The following AKAP1 variants were observed in gnomAD, a reference collection of about 807,000 sequenced individuals.
AKAP1 encodes A-kinase anchor protein 1, mitochondrial.
Under a neutral mutation model 79.8 loss-of-function variants are expected in AKAP1, and 32 were observed. The ratio of observed to expected loss-of-function variants is 0.40; its 90% CI spans 0.30 to 0.54. The LOEUF (loss-of-function observed/expected upper bound fraction) is 0.54. Among genes scored for constraint, AKAP1 ranks in the 20% least tolerant of loss-of-function variants. The pLI is 0.47. For missense variants in AKAP1, 961 were observed against 1,138.9 expected, an observed-to-expected ratio of 0.84 and a Z score of 2.25; for synonymous variants, 416 against 466.7, an observed-to-expected ratio of 0.89 and a Z score of 1.40.
chr17:57,095,381 C>G (rs539019921), intron 1 of AKAP1: 1 of 151,092 alleles, frequency 6.6e-6, no homozygotes, highest in African/African-American at 2.4e-5. Flanking sequence ...ATTGCCCAGG[C>G]TGGTCTTGAG....
chr17:57,104,109 G>C (rs975963519), intron 1 of AKAP1, among the ~76,000 whole-genome samples: 6 of 152,072 alleles, frequency 3.9e-5, no homozygotes, highest in African/African-American at 1.4e-4. Flanking sequence ...ACAGGCGCCT[G>C]CCACCATGCC....
intron 1 of AKAP1, chr17:57,101,644 A>C (rs1392641537): frequency 6.6e-6 from 1 of 152,192 alleles, no homozygotes; most frequent in Non-Finnish European, 1.5e-5. Context: ...AGATGATGCT[A>C]ATGTGAAGCC....
intron 10 of AKAP1, among the ~76,000 whole-genome samples, chr17:57,119,917 C>T (rs145315243): frequency 0.012 from 1,671 of 136,512 alleles, 30 homozygotes; most frequent in African/African-American, 0.043. Flanking sequence ...CTGTAACCTC[C>T]GCCTCCGGGG....
In AKAP1 at chr17:57,120,330, A is replaced by G. The variant is rs201780935; in HGVS notation, c.*6A>G. 9,364 of 1,611,254 alleles carry G rather than the reference A, an allele frequency of 5.8e-3. 59 individuals carry two copies. The highest frequency in any genetic ancestry group is 7.0e-3 in the Non-Finnish European group (8,293 of 1,179,194). ...GCTACTACACAAGCCTTTGACCCCC[A>G]TGCTGCTTCCTGAGAGTCTTTTTTT... is the stretch of plus-strand genomic sequence containing the variant. On this transcript the variant is annotated 3_prime_UTR_variant, in exon 11 of 11. Transcript: ENST00000337714.
At chr17:57,097,600 A>G (rs1019927209) in intron 1 of AKAP1, among the ~76,000 whole-genome samples, 1 of 152,164 alleles carries the variant, frequency 6.6e-6, no homozygotes, top group Admixed American at 6.5e-5. Flanking sequence ...GCTGGGCTTT[A>G]GGTTCTGATT....
intron 1 of AKAP1, among the ~76,000 whole-genome samples, chr17:57,088,336 T>C (rs1913584766): frequency 6.6e-6 from 1 of 152,198 alleles, no homozygotes; most frequent in Non-Finnish European, 1.5e-5. Flanking sequence ...GTGAGCATGT[T>C]TGAAGTAGGA....
In AKAP1 at chr17:57,120,459, T is replaced by G; in HGVS notation, c.*135T>G. On this transcript the variant is annotated 3_prime_UTR_variant, in exon 11 of 11. Coordinates refer to ENST00000337714, the MANE Select transcript of AKAP1 (RefSeq NM_003488.4). ...TTTCTTTCTCCATACTGTAGTCCTA[T>G]TGAGAAGACATTTCGTCTCTGAGAA... 2.9e-6 allele frequency: 2 copies of G among 690,418 alleles called. No homozygotes were observed. 42.8% of individuals were successfully genotyped at this position (690,418 alleles called of 1,614,324 possible).
chr17:57,114,700 C>A, intron 6 of AKAP1, 64 bp downstream of exon 6: 1 of 1,481,458 alleles, frequency 6.8e-7, no homozygotes, highest in Non-Finnish European at 9.2e-7. Flanking sequence ...GCCCTGGATC[C>A]TGATCAGGAG....
At chr17:57,111,393 CTG>C (rs1342596809) in intron 3 of AKAP1, among the ~76,000 whole-genome samples, 2 of 152,224 alleles carry the variant, frequency 1.3e-5, no homozygotes, top group Non-Finnish European at 2.9e-5. Flanking sequence ...AATCGAGAAA[CTG>C]TGTGCTGGTG....
chr17:57,112,576 A>C lies in AKAP1; in HGVS notation c.2061A>C (p.Pro687=). The C allele has an allele frequency of 6.2e-7, 1 of 1,614,120 alleles. No individual in the cohort carries two copies. Among genetic ancestry groups the C allele is most frequent in the Non-Finnish European group, 8.5e-7 (1 of 1,180,008 alleles). ...ACCTCACCAATATCTACGCTCCCCC[A>C]TTGCCTTCACTGGCACTGCCTTCTC... The part of the protein sequence containing the change: ...ELNLTNIYAP[P]LPSLALPSLP... Residue 687 remains proline (P), a synonymous_variant, in exon 5 of 11, where the codon CCA becomes CCC. Coordinates refer to ENST00000337714, the MANE Select transcript of AKAP1 (RefSeq NM_003488.4).
Position 57,106,004 on chromosome 17 carries a change from A to C in AKAP1, c.540A>C (p.Pro180=), listed in dbSNP as rs1363713611. The change falls in exon 2 of 11, where the codon CCA becomes CCC. Residue 180 remains proline, a synonymous_variant. Transcript: ENST00000337714. The part of the protein sequence containing the change: ...PFSRVPRKVQ[P]GYPVVPAEKR... ...GCAGGGTGCCAAGGAAGGTCCAGCC[A>C]GGCTACCCCGTAGTCCCCGCAGAGA... 6.2e-7 allele frequency: 1 copy of C among 1,614,014 alleles called. No individual in the cohort carries two copies. The highest frequency in any genetic ancestry group is 1.7e-5 in the Admixed American group (1 of 60,030).
rs1421839152 is a variant in AKAP1 at position 57,088,806 on chromosome 17, CG to C, written c.-25+3411del. Reference sequence around the variant, plus strand: ...GGTGCAGCCTTGTCCACATTCTGTCCGGGTCTTCACCATCTGGTTGTTTTTC... The same window carrying C: ...GGTGCAGCCTTGTCCACATTCTGTCCGGTCTTCACCATCTGGTTGTTTTTC... On this transcript the variant is annotated intron_variant, in intron 1 of 10. Transcript: ENST00000337714. 3.9e-5 allele frequency among the ~76,000 whole-genome samples: 6 copies of C among 152,240 alleles called. No homozygotes were observed. In the South Asian group the frequency reaches 6.2e-4, roughly 16 times the overall value.
intron 1 of AKAP1, among the ~76,000 whole-genome samples, chr17:57,099,310 C>A (rs529487876): frequency 2.0e-5 from 3 of 152,182 alleles, no homozygotes; most frequent in Non-Finnish European, 4.4e-5. Context: ...GCTGGTGGAG[C>A]GCTTCAAGCC....
chr17:57,102,128 A>G (rs539157523), intron 1 of AKAP1, among the ~76,000 whole-genome samples: 1 of 152,232 alleles, frequency 6.6e-6, no homozygotes, highest in East Asian at 1.9e-4. Context: ...TTAAGGGACT[A>G]GTCTCACTGT....
chr17:57,118,524 T>A, intron 9 of AKAP1, 70 bp downstream of exon 9: 1 of 1,508,898 alleles, frequency 6.6e-7, no homozygotes, highest in Non-Finnish European at 9.2e-7. Flanking sequence ...CAATGCCTTC[T>A]TTCCTGTGGC....
At position 57,105,565 on chromosome 17, in the gene AKAP1, G is replaced by A. The variant is rs753833329; in HGVS notation, c.101G>A (p.Ser34Asn). 5 of 1,614,018 alleles carry A rather than the reference G, an allele frequency of 3.1e-6. No individual in the cohort carries two copies. The highest frequency in any genetic ancestry group is 4.2e-6 in the Non-Finnish European group (5 of 1,180,034). Residue 34 changes from serine to asparagine, a missense_variant, in exon 2 of 11, where the codon AGC becomes AAC. By Grantham distance (46) the Ser-to-Asn change is conservative (BLOSUM62 1). Transcript: ENST00000337714. ...TTCTCTCGTAAAAAAGGCCATGTCA[G>A]CAGCCATGATGAGCAGCAGGTGGAG... ...WFFSRKKGHV[S>N]SHDEQQVEAG...
In AKAP1 at chr17:57,099,182, T is replaced by A. The variant is rs112559364; in HGVS notation, c.-24-6259T>A. On this transcript the variant is annotated intron_variant, in intron 1 of 10. Coordinates refer to ENST00000337714, the MANE Select transcript of AKAP1 (RefSeq NM_003488.4). ...CAAGGCCTGCTGATCCCAGGGTCTC[T>A]TGGCTCTGTTCTTGTTGGAGGATGG... Among the ~76,000 whole-genome samples the A allele has an allele frequency of 7.0e-3, 1,071 of 152,284 alleles. 7 individuals are homozygous for A. Among genetic ancestry groups the A allele is most frequent in the African/African-American group, 0.022 (927 of 41,544 alleles).
At chr17:57,112,113 C>T (rs1915284483) in intron 4 of AKAP1, among the ~76,000 whole-genome samples, 189 bp downstream of exon 4, 1 of 152,156 alleles carries the variant, frequency 6.6e-6, no homozygotes, top group Non-Finnish European at 1.5e-5. Flanking sequence ...TCAGGTCCCT[C>T]CCTACTCTGA....
At chr17:57,094,548 T>C (rs1189018133) in intron 1 of AKAP1, 1 of 151,812 alleles carries the variant, frequency 6.6e-6, no homozygotes, top group Non-Finnish European at 1.5e-5. Flanking sequence ...TTAGAGAAGT[T>C]ATAAATGTGG....
Sources: allele counts gnomAD v4.1 joint callset (sites outside exome capture counted in the v4.1 genomes callset), GRCh38; gene constraint gnomAD v4.1.1; transcripts MANE v1.5; gene names NCBI Gene and HGNC (gene_info 2026-07-23, HGNC 2026-07-21).